Variants in AFF1 observed in about 807,000 individuals in gnomAD.
AFF1 encodes the protein AF4/FMR2 family member 1.
AFF1 carries 48 observed loss-of-function variants against 121.7 expected under a neutral mutation model. That is an observed-to-expected ratio of 0.39 (90% CI 0.31 to 0.50). AFF1 has a LOEUF of 0.50. Ranked by LOEUF, AFF1 falls within the 20% of genes least tolerant of loss-of-function variation. The pLI is 0.76. For synonymous variants in AFF1, 613 were observed against 563.0 expected (o/e 1.09, Z -1.26); for missense variants, 1,523 against 1,511.7 (o/e 1.01, Z -0.12).
At chr4:87,088,256 T>C (rs1267521492) in intron 5 of AFF1, among the ~76,000 whole-genome samples, 3 of 152,202 alleles carry the variant, frequency 2.0e-5, no homozygotes, top group Non-Finnish European at 4.4e-5. Flanking sequence ...ACAAAGCAGA[T>C]GGCCAGTCAG....
At chr4:87,119,751 A>AT (rs892234321) in intron 12 of AFF1, among the ~76,000 whole-genome samples, 3 of 152,184 alleles carry the variant, frequency 2.0e-5, no homozygotes, top group African/African-American at 4.8e-5. Flanking sequence ...AGGTGCATTC[A>AT]TTCAAATCTT....
In AFF1 at chr4:87,047,586, T is replaced by A. The variant is rs140177406; in HGVS notation, c.1051T>A (p.Ser351Thr). 1.6e-5 allele frequency: 26 copies of A among 1,614,000 alleles called. No homozygotes were observed. In the African/African-American group the frequency reaches 3.2e-4, roughly 20 times the overall value. Residue 351 changes from serine to threonine, a missense_variant, in exon 4 of 21, where the codon TCA (serine) becomes ACA (threonine). Ser to Thr is a moderately conservative substitution (Grantham distance 58). This residue lies in a region of AFF1 where 905 missense variants were observed against 842.5 expected (regional missense o/e 1.07). Coordinates refer to ENST00000395146, the MANE Select transcript of AFF1 (RefSeq NM_001166693.3). ...KLTKLKMPSQSVEQTYSNEVH... is the reference protein window; with the variant it reads ...KLTKLKMPSQTVEQTYSNEVH... ...CACCAAACTGAAGATGCCTTCTCAG[T>A]CAGTTGAGGTGTGTGGAATTTCTTA...
intron 2 of AFF1, among the ~76,000 whole-genome samples, chr4:87,009,203 A>G (rs1346737873): frequency 6.6e-6 from 1 of 152,250 alleles, no homozygotes; most frequent in African/African-American, 2.4e-5. Flanking sequence ...TAAATGGGTA[A>G]GTACTTTTAT....
intron 5 of AFF1, among the ~76,000 whole-genome samples, chr4:87,089,133 TG>T (rs1724039088): frequency 6.6e-6 from 1 of 152,222 alleles, no homozygotes; most frequent in Non-Finnish European, 1.5e-5. Flanking sequence ...TCAATCATTT[TG>T]GACCTCAGTT....
At chr4:87,036,154 A>C (rs1729542909) in intron 2 of AFF1, among the ~76,000 whole-genome samples, 1 of 152,204 alleles carries the variant, frequency 6.6e-6, no homozygotes, top group Non-Finnish European at 1.5e-5. Flanking sequence ...AAGGGGAGAC[A>C]TAAATAACTA....
At chr4:87,082,980 T>G (rs1236117543) in intron 4 of AFF1, among the ~76,000 whole-genome samples, 1 of 152,192 alleles carries the variant, frequency 6.6e-6, no homozygotes, top group Non-Finnish European at 1.5e-5. Flanking sequence ...GAGCAGAGTT[T>G]TATGCATAGC....
intron 2 of AFF1, among the ~76,000 whole-genome samples, chr4:87,020,070 C>G (rs1727745356): frequency 6.6e-6 from 1 of 152,178 alleles, no homozygotes; most frequent in Non-Finnish European, 1.5e-5. Context: ...ACCTTTTTCT[C>G]AAGGGATTCT....
At chr4:86,979,496 G>T (rs936450084) in intron 2 of AFF1, among the ~76,000 whole-genome samples, 1 of 152,186 alleles carries the variant, frequency 6.6e-6, no homozygotes, top group African/African-American at 2.4e-5. Flanking sequence ...AAACCTATGT[G>T]GGGGTGGGAG....
chr4:87,093,038 C>A (rs1724473922), intron 7 of AFF1, among the ~76,000 whole-genome samples: 1 of 152,158 alleles, frequency 6.6e-6, no homozygotes, highest in Non-Finnish European at 1.5e-5. Flanking sequence ...TGTTTTATTG[C>A]TAACTCATGG....
chr4:87,090,800 G>A (rs1414102601), intron 6 of AFF1, among the ~76,000 whole-genome samples: 1 of 151,492 alleles, frequency 6.6e-6, no homozygotes, highest in Admixed American at 6.6e-5. Context: ...GATCACTTGA[G>A]TCCAGGAGTT....
rs766836265 is a variant in AFF1, at chr4:87,138,664, G to A, written c.*2963G>A. The A allele has an allele frequency of 5.6e-5, 13 of 230,922 alleles. No individual in the cohort carries two copies. Among genetic ancestry groups the A allele is most frequent in the Non-Finnish European group, 1.0e-4 (12 of 116,776 alleles). The allele number at this position is 230,922 out of a possible 1,614,324, so 14.3% of individuals were successfully genotyped here. ...AAATTTATCAAATTATACTGGGTTC[G>A]GATTGTGAAAACATTGGCCACCTAG... On this transcript the variant is annotated 3_prime_UTR_variant, in exon 21 of 21. Transcript: ENST00000395146.
intron 8 of AFF1, among the ~76,000 whole-genome samples, chr4:87,097,389 C>T (rs539628723): frequency 1.3e-5 from 2 of 152,288 alleles, no homozygotes; most frequent in South Asian, 4.1e-4. Flanking sequence ...CTCCAATTTC[C>T]ATCAGCTTTC....
chr4:86,973,475 C>G (rs991324358), intron 2 of AFF1, among the ~76,000 whole-genome samples: 6 of 152,144 alleles, frequency 3.9e-5, no homozygotes, highest in Non-Finnish European at 7.4e-5. Flanking sequence ...CCTTAAATTA[C>G]TACACCCCTT....
chr4:87,058,448 T>C (rs973048631), intron 4 of AFF1, among the ~76,000 whole-genome samples: 20 of 152,168 alleles, frequency 1.3e-4, no homozygotes, highest in African/African-American at 4.8e-4. Context: ...CCTTTAACTT[T>C]GCTTCCTACC....
chr4:87,064,400 A>G (rs957283300), intron 4 of AFF1, among the ~76,000 whole-genome samples: 3 of 152,242 alleles, frequency 2.0e-5, no homozygotes, highest in African/African-American at 7.2e-5. Flanking sequence ...CAAGATATTC[A>G]TTCAGTTTTT....
intron 4 of AFF1, among the ~76,000 whole-genome samples, chr4:87,058,595 C>G (rs150041825): frequency 1.3e-5 from 2 of 152,262 alleles, no homozygotes; most frequent in Non-Finnish European, 2.9e-5. Flanking sequence ...TCAACTCCCC[C>G]ACTCTCAACC....
intron 2 of AFF1, among the ~76,000 whole-genome samples, chr4:86,955,702 C>G (rs963177941): frequency 1.3e-5 from 2 of 152,148 alleles, no homozygotes; most frequent in Admixed American, 6.5e-5. Flanking sequence ...TCAGGCTATA[C>G]CACCAAATGG....
intron 1 of AFF1, among the ~76,000 whole-genome samples, chr4:86,940,888 G>C (rs1720407657): frequency 6.6e-6 from 1 of 151,584 alleles, no homozygotes; most frequent in Admixed American, 6.6e-5. Flanking sequence ...AGGAGTTTGA[G>C]ACCAGCTTAG....
rs34387408 is a variant in AFF1 at position 87,138,028 on chromosome 4, G to GT, written c.*2340dup. 75,971 of 206,036 alleles carry GT rather than the reference G, an allele frequency of 0.37. 9,928 individuals are homozygous for GT. Among genetic ancestry groups the GT allele is most frequent in the Middle Eastern group, 0.48 (318 of 668 alleles). The allele number at this position is 206,036 out of a possible 1,614,324, so 12.8% of individuals were successfully genotyped here. A position where few individuals can be genotyped will look rare whatever the true frequency, so the allele number is the denominator to read the frequency against. On this transcript the variant is annotated 3_prime_UTR_variant, in exon 21 of 21. Coordinates refer to ENST00000395146, the MANE Select transcript of AFF1 (RefSeq NM_001166693.3). Reference sequence around the variant, plus strand: ...TTTTCAGTGGCCTTACTCTTTGTGGGTTTTTTTTTTTTTCTCTGAACTTGA... The same window carrying GT: ...TTTTCAGTGGCCTTACTCTTTGTGGGTTTTTTTTTTTTTTCTCTGAACTTGA...
Sources: gnomAD v4.1 joint callset for allele counts (sites outside exome capture counted in the v4.1 genomes callset) on GRCh38, gnomAD v4.1.1 for gene constraint, gnomAD v4.1.1 regional missense constraint, MANE v1.5 for transcripts, NCBI Gene and HGNC (gene_info 2026-07-23, HGNC 2026-07-21) for gene names.